Variants in LHPP observed in about 807,000 individuals in gnomAD.
The protein encoded by LHPP is phospholysine phosphohistidine inorganic pyrophosphate phosphatase, also known as hLHPP.
A neutral mutation model predicts 30.3 loss-of-function variants in LHPP; 24 were observed. That is an observed-to-expected ratio of 0.79 (90% CI 0.57 to 1.11). The LOEUF is 1.11. Among genes scored for constraint, LHPP ranks in the 50% most tolerant of loss-of-function variants. LHPP has a pLI of 0.00. For missense variants in LHPP, 356 were observed against 367.2 expected (o/e 0.97, Z 0.25); for synonymous variants, 150 against 157.1 (o/e 0.95, Z 0.34).
chr10:124,527,780 T>TG (rs1475865162), intron 6 of LHPP, among the ~76,000 whole-genome samples: 45 of 126,232 alleles, frequency 3.6e-4, no homozygotes, highest in African/African-American at 1.2e-3. Context: ...TGCTTTTTTT[T>TG]TTTTGTTTTT....
At chr10:124,462,342 C>T (rs1018791103) in intron 1 of LHPP, among the ~76,000 whole-genome samples, 6 of 152,114 alleles carry the variant, frequency 3.9e-5, no homozygotes, top group African/African-American at 1.4e-4. Flanking sequence ...ATCTGTGATT[C>T]TAGCACTTGC....
At chr10:124,479,315 C>G (rs1953053791) in intron 1 of LHPP, among the ~76,000 whole-genome samples, 1 of 152,166 alleles carries the variant, frequency 6.6e-6, no homozygotes, top group African/African-American at 2.4e-5. Context: ...TCTCTGCAAG[C>G]CTTGCTGGGG....
chr10:124,513,439 T>A (rs549570168), intron 5 of LHPP, among the ~76,000 whole-genome samples: 2,181 of 147,166 alleles, frequency 0.015, 81 homozygotes, highest in African/African-American at 0.052. Context: ...TTATTACTTT[T>A]TTTTTCTTTA....
intron 6 of LHPP, among the ~76,000 whole-genome samples, chr10:124,565,104 C>T (rs1161124107): frequency 2.6e-5 from 4 of 152,046 alleles, no homozygotes; most frequent in African/African-American, 9.7e-5. Context: ...TTTGCAAACA[C>T]GACGCCCGGC....
At chr10:124,547,272 A>G (rs1308979098) in intron 6 of LHPP, among the ~76,000 whole-genome samples, 1 of 152,052 alleles carries the variant, frequency 6.6e-6, no homozygotes, top group Non-Finnish European at 1.5e-5. Context: ...AGATGTTTAG[A>G]CTGTTTCCCT....
chr10:124,561,253 C>T (rs774005174), intron 6 of LHPP, among the ~76,000 whole-genome samples: 5 of 152,190 alleles, frequency 3.3e-5, no homozygotes, highest in African/African-American at 4.8e-5. Flanking sequence ...CTCAGCTACT[C>T]GTGCCAGCAA....
At chr10:124,609,194 G>A (rs938675306) in intron 6 of LHPP, among the ~76,000 whole-genome samples, 2 of 152,202 alleles carry the variant, frequency 1.3e-5, no homozygotes, top group African/African-American at 4.8e-5. Context: ...AAGACAGGCC[G>A]CAGGTAGGAT....
At chr10:124,543,636 G>T (rs1446978465) in intron 6 of LHPP, among the ~76,000 whole-genome samples, 8 of 152,236 alleles carry the variant, frequency 5.3e-5, no homozygotes, top group Non-Finnish European at 1.2e-4. Flanking sequence ...CTTCTCAGCT[G>T]TGTGGAGGGG....
Position 124,461,935 on chromosome 10 carries a change from A to G in LHPP, c.73A>G (p.Ser25Gly). ...TGACATCTCGGGCGTGCTGTACGACAGCGGCGCGGGCGGCGGCACGGCCAT... is the reference window on the plus strand; with the variant it reads ...TGACATCTCGGGCGTGCTGTACGACGGCGGCGCGGGCGGCGGCACGGCCAT... ...LLDISGVLYD[S>G]GAGGGTAIAG... The change falls in exon 1 of 7, where the codon AGC (serine) becomes GGC (glycine). Residue 25 changes from serine to glycine, a missense_variant. Transcript: ENST00000368842. 1 of 1,244,210 alleles carries G rather than the reference A, an allele frequency of 8.0e-7. No homozygotes were observed. The allele number at this position is 1,244,210 out of a possible 1,614,324, so 77.1% of individuals were successfully genotyped here.
chr10:124,532,833 C>T (rs1301697477), intron 6 of LHPP, among the ~76,000 whole-genome samples: 1 of 152,142 alleles, frequency 6.6e-6, no homozygotes. Context: ...CCCTATGGCC[C>T]CTATGGAAGA....
Position 124,614,053 on chromosome 10 carries a change from T to C in LHPP, c.*693T>C, listed in dbSNP as rs1051523674. The C allele has an allele frequency of 1.3e-5, 2 of 152,906 alleles. No homozygotes were observed. Among genetic ancestry groups the C allele is most frequent in the African/African-American group, 4.8e-5 (2 of 41,466 alleles). The allele number at this position is 152,906 out of a possible 1,614,324, so 9.5% of individuals were successfully genotyped here. ...CGTCCAAGGCACACAGGGTACTTTC[T>C]GGACCCACTGCTGGACAGACTTGAA... On this transcript the variant is annotated 3_prime_UTR_variant, in exon 7 of 7. Coordinates refer to ENST00000368842, the MANE Select transcript of LHPP (RefSeq NM_022126.4).
At chr10:124,602,853 G>T (rs2134013434) in intron 6 of LHPP, among the ~76,000 whole-genome samples, 1 of 152,378 alleles carries the variant, frequency 6.6e-6, no homozygotes, top group East Asian at 1.9e-4. Context: ...AGGGGCAGGA[G>T]ACGCAGTGCG....
At chr10:124,608,241 C>T (rs138673718) in intron 6 of LHPP, among the ~76,000 whole-genome samples, 42 of 152,240 alleles carry the variant, frequency 2.8e-4, no homozygotes, top group African/African-American at 9.1e-4. Flanking sequence ...CCCCATGTAG[C>T]CCACACATCA....
chr10:124,475,917 T>C (rs974007931), intron 1 of LHPP, among the ~76,000 whole-genome samples: 3 of 152,180 alleles, frequency 2.0e-5, no homozygotes, highest in Admixed American at 6.5e-5. Flanking sequence ...CTGTGTGGTC[T>C]CCAAAGTCTC....
chr10:124,556,913 G>A (rs868409739), intron 6 of LHPP, among the ~76,000 whole-genome samples: 2 of 152,112 alleles, frequency 1.3e-5, no homozygotes, highest in East Asian at 1.9e-4. Context: ...AAGATGGAGC[G>A]CAGAGTCTGT....
intron 6 of LHPP, among the ~76,000 whole-genome samples, chr10:124,524,678 C>A (rs1003173973): frequency 1.3e-5 from 2 of 152,082 alleles, no homozygotes; most frequent in African/African-American, 4.8e-5. Flanking sequence ...TATTAAAAAT[C>A]AAAATTAGCC....
chr10:124,538,176 A>AGGATCACCATGCG (rs1554888792), intron 6 of LHPP, among the ~76,000 whole-genome samples: 2 of 38,398 alleles, frequency 5.2e-5, no homozygotes, highest in Non-Finnish European at 9.1e-5. Flanking sequence ...CTCACCATGC[A>AGGATCACCATGCG]GGGTCACCAT....
chr10:124,494,181 T>C (rs1189817028), intron 3 of LHPP, among the ~76,000 whole-genome samples: 2 of 152,182 alleles, frequency 1.3e-5, no homozygotes, highest in Non-Finnish European at 2.9e-5. Flanking sequence ...CCAGGTTTCT[T>C]TCGCTTTCGA....
chr10:124,609,028 G>C (rs1057191042), intron 6 of LHPP, among the ~76,000 whole-genome samples: 3 of 152,138 alleles, frequency 2.0e-5, no homozygotes, highest in Non-Finnish European at 4.4e-5. Context: ...CTTGAGAAGG[G>C]GCCTGTCCAG....
Sources: gnomAD v4.1 joint callset for allele counts (sites outside exome capture counted in the v4.1 genomes callset) on GRCh38, gnomAD v4.1.1 for gene constraint, MANE v1.5 for transcripts, NCBI Gene and HGNC (gene_info 2026-07-23, HGNC 2026-07-21) for gene names.